FHIT: variants seen among roughly 807,000 people sequenced by gnomAD.
The protein encoded by FHIT is fragile histidine triad diadenosine triphosphatase, also known as bis(5'-adenosyl)-triphosphatase.
Under a neutral mutation model 17.9 loss-of-function variants are expected in FHIT, and 19 were observed. The observed-to-expected ratio is 1.06, with a 90% CI of 0.74 to 1.56. The LOEUF (loss-of-function observed/expected upper bound fraction) is 1.56, where lower values mean the gene tolerates loss of function less well. Ranked by LOEUF, FHIT falls within the 40% of genes most tolerant of loss-of-function variation. The pLI is 0.00. For missense variants in FHIT, 248 were observed against 189.2 expected (o/e 1.31, Z -1.82); for synonymous variants, 81 against 69.7 (o/e 1.16, Z -0.81).
intron 5 of FHIT, among the ~76,000 whole-genome samples, chr3:60,080,420 A>C (rs1223178224): frequency 6.6e-6 from 1 of 152,162 alleles, no homozygotes; most frequent in East Asian, 1.9e-4. Context: ...CCCAGTTTCA[A>C]GTAAATAAAA....
rs1164636273 is a variant in FHIT, at chr3:60,567,140, C to T, written c.-17-30161G>A. Among the ~76,000 whole-genome samples the T allele has an allele frequency of 3.3e-5, 5 of 151,968 alleles. No individual in the cohort carries two copies. The South Asian group carries it at 1.0e-3, about 32-fold the overall frequency. ...AGTTCTTATGGAACCAAAAAAGAGCCCACACTGCCAAGTCAATCCTAAGCC... is the reference window on the plus strand; with the variant it reads ...AGTTCTTATGGAACCAAAAAAGAGCTCACACTGCCAAGTCAATCCTAAGCC... On this transcript the variant is annotated intron_variant, in intron 4 of 9. Coordinates refer to ENST00000492590, the MANE Select transcript of FHIT (RefSeq NM_002012.4).
intron 3 of FHIT, among the ~76,000 whole-genome samples, chr3:60,856,237 T>C (rs1188146627): frequency 6.6e-6 from 1 of 151,920 alleles, no homozygotes; most frequent in Non-Finnish European, 1.5e-5. Flanking sequence ...GTCTTCAAAA[T>C]TGCAAAAGGC....
intron 4 of FHIT, among the ~76,000 whole-genome samples, chr3:60,542,940 A>G (rs2036232469): frequency 6.6e-6 from 1 of 152,224 alleles, no homozygotes; most frequent in Non-Finnish European, 1.5e-5. Flanking sequence ...TATGAAATAC[A>G]GAAACGGCTT....
chr3:60,158,663 G>A (rs1165281887), intron 5 of FHIT, among the ~76,000 whole-genome samples: 1 of 152,112 alleles, frequency 6.6e-6, no homozygotes, highest in Non-Finnish European at 1.5e-5. Context: ...CAACTCCTGA[G>A]ATACCAAACA....
At chr3:60,950,279 AG>A (rs1377041358) in intron 3 of FHIT, among the ~76,000 whole-genome samples, 26 of 152,306 alleles carry the variant, frequency 1.7e-4, no homozygotes, top group Middle Eastern at 3.4e-3. Context: ...GGTACTATTA[AG>A]GGGGGAAACA....
At chr3:60,551,441 T>TGAGA (rs1369453952) in intron 4 of FHIT, among the ~76,000 whole-genome samples, 1 of 68,574 alleles carries the variant, frequency 1.5e-5, no homozygotes, top group African/African-American at 5.6e-5. Context: ...GGAAATATAG[T>TGAGA]GAGAAAGAAA....
intron 8 of FHIT, among the ~76,000 whole-genome samples, chr3:59,906,297 T>C (rs1704582017): frequency 6.6e-6 from 1 of 152,220 alleles, no homozygotes; most frequent in Non-Finnish European, 1.5e-5. Flanking sequence ...TTTCCTAGAC[T>C]TCAAGGGCAT....
intron 8 of FHIT, among the ~76,000 whole-genome samples, chr3:59,817,835 T>C (rs181878330): frequency 6.6e-6 from 1 of 152,186 alleles, no homozygotes; most frequent in Admixed American, 6.5e-5. Flanking sequence ...TAGCAAGAAA[T>C]GAGCTGCAGA....
At chr3:60,818,316 A>G (rs146404828) in intron 4 of FHIT, among the ~76,000 whole-genome samples, 1 of 152,116 alleles carries the variant, frequency 6.6e-6, no homozygotes, top group Non-Finnish European at 1.5e-5. Context: ...GGGTTGTATG[A>G]TATGCAAGTA....
chr3:60,413,866 A>T (rs1380465), intron 5 of FHIT, among the ~76,000 whole-genome samples: 31,722 of 152,188 alleles, frequency 0.21, 3,900 homozygotes, highest in East Asian at 0.48. Context: ...TTATTTAATA[A>T]CTACCACATG....
chr3:60,603,995 A>G (rs1315298441), intron 4 of FHIT, among the ~76,000 whole-genome samples: 1 of 152,194 alleles, frequency 6.6e-6, no homozygotes, highest in South Asian at 2.1e-4. Context: ...AGAGACTAAG[A>G]ACAGCTCAGA....
At chr3:59,926,595 A>T (rs1256330477) in intron 7 of FHIT, among the ~76,000 whole-genome samples, 3 of 152,232 alleles carry the variant, frequency 2.0e-5, no homozygotes, top group Non-Finnish European at 4.4e-5. Flanking sequence ...GGGCAAAATC[A>T]AGAGAGGGTA....
chr3:59,850,945 G>A lies in FHIT; in HGVS notation c.348+71401C>T, dbSNP rs911262354. Among the ~76,000 whole-genome samples the A allele has an allele frequency of 2.0e-5, 3 of 152,292 alleles. No homozygotes were observed. In the East Asian group the frequency reaches 5.8e-4, roughly 29 times the overall value. On this transcript the variant is annotated intron_variant, in intron 8 of 9. Coordinates refer to ENST00000492590, the MANE Select transcript of FHIT (RefSeq NM_002012.4). ...AGCTCCCCTTCGAGGGAATAACCTGGATTATGGCCAATACTTTCTACTTCT... is the reference window on the plus strand; with the variant it reads ...AGCTCCCCTTCGAGGGAATAACCTGAATTATGGCCAATACTTTCTACTTCT...
At position 60,908,044 on chromosome 3, in the gene FHIT, T is replaced by G. The variant is rs539405000; in HGVS notation, c.-110-86033A>C. 9.2e-5 allele frequency among the ~76,000 whole-genome samples: 14 copies of G among 152,358 alleles called. 1 individual carries two copies. The South Asian group carries it at 2.9e-3, about 32-fold the overall frequency. ...ACTCTGCCCTTCAAATAAATAAGTC[T>G]GTTTAGAGGAGCAAACACATTAATC... On this transcript the variant is annotated intron_variant, in intron 3 of 9. Transcript: ENST00000492590.
intron 4 of FHIT, among the ~76,000 whole-genome samples, chr3:60,608,686 A>T (rs1446956567): frequency 6.6e-6 from 1 of 152,208 alleles, no homozygotes; most frequent in Non-Finnish European, 1.5e-5. Flanking sequence ...GCCACAATCT[A>T]GACTTTGTTT....
At chr3:60,080,453 A>G (rs923277423) in intron 5 of FHIT, among the ~76,000 whole-genome samples, 1 of 152,186 alleles carries the variant, frequency 6.6e-6, no homozygotes, top group African/African-American at 2.4e-5. Flanking sequence ...AGAGCCTCGT[A>G]GCCCTACTTA....
chr3:61,224,983 A>C (rs1007910335), intron 1 of FHIT, among the ~76,000 whole-genome samples: 1 of 152,172 alleles, frequency 6.6e-6, no homozygotes, highest in Non-Finnish European at 1.5e-5. Context: ...TAACACACTG[A>C]GGAAAGGGCA....
At chr3:60,479,084 A>G (rs866999108) in intron 5 of FHIT, among the ~76,000 whole-genome samples, 55 of 152,302 alleles carry the variant, frequency 3.6e-4, no homozygotes, top group African/African-American at 1.2e-3. Context: ...CCTTAGGGAG[A>G]AAAGAGATTT....
intron 5 of FHIT, among the ~76,000 whole-genome samples, chr3:60,473,332 G>A (rs1431183162): frequency 2.0e-5 from 3 of 152,122 alleles, no homozygotes; most frequent in African/African-American, 4.8e-5. Flanking sequence ...AAGGGCTGAG[G>A]GGAGCTGGAG....
Sources: allele counts gnomAD v4.1 joint callset (sites outside exome capture counted in the v4.1 genomes callset), GRCh38; gene constraint gnomAD v4.1.1; transcripts MANE v1.5; gene names NCBI Gene and HGNC (gene_info 2026-07-23, HGNC 2026-07-21).